The following CFAP20DC variants were observed in gnomAD, a reference collection of about 807,000 sequenced individuals.
CFAP20DC encodes CFAP20 domain containing, also known as protein CFAP20DC.
A neutral mutation model predicts 101.7 loss-of-function variants in CFAP20DC; 84 were observed. The observed-to-expected ratio is 0.83, with a 90% CI of 0.69 to 0.99. The LOEUF (loss-of-function observed/expected upper bound fraction) is 0.99, where lower values mean the gene tolerates loss of function less well. Among genes scored for constraint, CFAP20DC ranks in the 50% least tolerant of loss-of-function variants. The pLI is 0.00. For missense variants in CFAP20DC, 1,007 were observed against 970.3 expected (o/e 1.04, Z -0.50); for synonymous variants, 359 against 351.2 (o/e 1.02, Z -0.25).
intron 15 of CFAP20DC, among the ~76,000 whole-genome samples, chr3:58,792,415 C>T (rs1032325762): frequency 6.6e-5 from 10 of 152,070 alleles, no homozygotes; most frequent in Non-Finnish European, 1.5e-4. Flanking sequence ...CCAAGCCTTA[C>T]ATTAGGTTTT....
At chr3:58,952,185 G>A (rs1014019466) in intron 4 of CFAP20DC, among the ~76,000 whole-genome samples, 6 of 152,138 alleles carry the variant, frequency 3.9e-5, no homozygotes, top group Non-Finnish European at 7.4e-5. Context: ...TCAGTGATAC[G>A]TTATTACAGT....
At chr3:58,754,149 A>T (rs1264918533) in intron 15 of CFAP20DC, among the ~76,000 whole-genome samples, 1 of 152,184 alleles carries the variant, frequency 6.6e-6, no homozygotes, top group Non-Finnish European at 1.5e-5. Context: ...TTTTCACATA[A>T]GAAATTATTT....
chr3:58,974,661 G>A (rs73840022), intron 4 of CFAP20DC, among the ~76,000 whole-genome samples: 2,878 of 152,174 alleles, frequency 0.019, 76 homozygotes, highest in African/African-American at 0.065. Flanking sequence ...CCATCCCATG[G>A]AACATAGGCT....
chr3:58,792,518 T>C (rs976419216), intron 15 of CFAP20DC, among the ~76,000 whole-genome samples: 4 of 152,104 alleles, frequency 2.6e-5, no homozygotes, highest in Non-Finnish European at 5.9e-5. Flanking sequence ...CACTGTCAAA[T>C]TAACTACAAG....
intron 14 of CFAP20DC, among the ~76,000 whole-genome samples, chr3:58,824,062 C>T (rs1351037997): frequency 2.0e-5 from 3 of 152,102 alleles, no homozygotes; most frequent in Non-Finnish European, 4.4e-5. Context: ...TCTCTATTGT[C>T]ACTATTACAC....
At chr3:58,888,614 C>T (rs576298848) in intron 6 of CFAP20DC, among the ~76,000 whole-genome samples, 12 of 152,236 alleles carry the variant, frequency 7.9e-5, no homozygotes, top group Non-Finnish European at 1.2e-4. Context: ...CATGTGTCCA[C>T]GTGTTCTCAT....
Position 58,863,698 on chromosome 3 carries a change from G to A in CFAP20DC, c.1453C>T (p.Arg485Ter), listed in dbSNP as rs538087182. Residue 485 changes from arginine to a stop codon, truncating the protein, a stop_gained, in exon 12 of 17, where the codon CGA becomes TGA. Transcript: ENST00000482387. LOFTEE classifies it high-confidence loss of function. This position sits in a 1 kb window ranked among gnomAD's most constrained non-coding sequence, Gnocchi z 5.9. ...KDIFTFSSRP[R>*]SAPHGKTQTM... ...TGAGTCTTTCCATGAGGTGCTGATC[G>A]TGGTCTTGATGAAAAAGTGAAAATG... The A allele has an allele frequency of 5.6e-6, 9 of 1,614,130 alleles. No individual in the cohort carries two copies. Among genetic ancestry groups the A allele is most frequent in the South Asian group, 1.1e-5 (1 of 91,074 alleles).
At chr3:58,819,928 A>C (rs1413443669) in intron 14 of CFAP20DC, among the ~76,000 whole-genome samples, 2 of 141,556 alleles carry the variant, frequency 1.4e-5, no homozygotes, top group Non-Finnish European at 3.0e-5. Flanking sequence ...GCAGCACATC[A>C]AAAAGCTTAT....
intron 12 of CFAP20DC, among the ~76,000 whole-genome samples, chr3:58,855,485 G>T (rs1196043976): frequency 2.6e-5 from 4 of 152,180 alleles, no homozygotes; most frequent in African/African-American, 9.6e-5. Context: ...TCCCATTACT[G>T]GGTATATACC....
intron 4 of CFAP20DC, among the ~76,000 whole-genome samples, chr3:58,987,393 T>C (rs1184548344): frequency 6.6e-6 from 1 of 151,894 alleles, no homozygotes; most frequent in Non-Finnish European, 1.5e-5. Flanking sequence ...AATTGCCTAT[T>C]AAAAAAAGTA....
chr3:58,744,512 A>T (rs972277173), intron 16 of CFAP20DC, among the ~76,000 whole-genome samples: 9 of 152,214 alleles, frequency 5.9e-5, no homozygotes, highest in African/African-American at 2.2e-4. Context: ...GAAACAAAGA[A>T]ATCTGATTTC....
chr3:58,958,284 T>C (rs1050552006), intron 4 of CFAP20DC, among the ~76,000 whole-genome samples: 4 of 152,176 alleles, frequency 2.6e-5, no homozygotes, highest in South Asian at 2.1e-4. Context: ...TAAAAAAATA[T>C]ATAAAATATT....
At chr3:58,737,525 A>ATT (rs1369627820), downstream of CFAP20DC, among the ~76,000 whole-genome samples, 14 of 152,172 alleles carry the variant, frequency 9.2e-5, no homozygotes, top group Non-Finnish European at 1.6e-4. This position sits in a 1 kb window ranked among gnomAD's most constrained non-coding sequence, Gnocchi z 4.1. Context: ...CTGTAGACAA[A>ATT]TTGGAGAAGT....
chr3:58,766,720 C>G (rs553152769), intron 15 of CFAP20DC, among the ~76,000 whole-genome samples: 13 of 152,302 alleles, frequency 8.5e-5, no homozygotes, highest in Non-Finnish European at 2.9e-5. Context: ...ATCACACTCC[C>G]TATGCTCTGG....
At chr3:58,813,468 T>G (rs189554023) in intron 14 of CFAP20DC, among the ~76,000 whole-genome samples, 5 of 152,086 alleles carry the variant, frequency 3.3e-5, no homozygotes, top group Admixed American at 2.6e-4. Flanking sequence ...TCAAAGAGCT[T>G]TAGCTACTTC....
At chr3:58,918,184 G>A (rs1185155998) in intron 5 of CFAP20DC, among the ~76,000 whole-genome samples, 2 of 152,136 alleles carry the variant, frequency 1.3e-5, no homozygotes, top group African/African-American at 4.8e-5. Context: ...TGGAGTTGAA[G>A]TTCACTTATG....
intron 7 of CFAP20DC, among the ~76,000 whole-genome samples, chr3:58,870,963 C>A (rs1003453067): frequency 7.3e-6 from 1 of 137,046 alleles, no homozygotes; most frequent in Admixed American, 7.4e-5. Context: ...ATCTTATTTT[C>A]TCTTTAAGGA....
At chr3:58,778,680 C>T (rs2071556859) in intron 15 of CFAP20DC, among the ~76,000 whole-genome samples, 1 of 152,238 alleles carries the variant, frequency 6.6e-6, no homozygotes. Flanking sequence ...GACCCACTAA[C>T]ACAGGATCCA....
At chr3:58,762,742 A>G (rs2069772690) in intron 15 of CFAP20DC, among the ~76,000 whole-genome samples, 1 of 152,204 alleles carries the variant, frequency 6.6e-6, no homozygotes, top group Non-Finnish European at 1.5e-5. Flanking sequence ...GGTGGTGACA[A>G]AATCTCTCAG....
Sources: allele counts gnomAD v4.1 joint callset (sites outside exome capture counted in the v4.1 genomes callset), GRCh38; gene constraint gnomAD v4.1.1; non-coding constraint Gnocchi (gnomAD v3.1); transcripts MANE v1.5; gene names NCBI Gene and HGNC (gene_info 2026-07-23, HGNC 2026-07-21).